Variants in MYRFL observed in about 807,000 individuals in gnomAD.
MYRFL encodes myelin regulatory factor-like protein.
MYRFL carries 88 observed loss-of-function variants against 109.4 expected under a neutral mutation model. That is an observed-to-expected ratio of 0.80 (90% CI 0.68 to 0.96). The LOEUF (loss-of-function observed/expected upper bound fraction) is 0.96, where lower values mean the gene tolerates loss of function less well. Ranked by LOEUF, MYRFL falls within the 40% of genes least tolerant of loss-of-function variation. The pLI, the probability that MYRFL is intolerant of heterozygous loss-of-function variation, is 0.00. For synonymous variants in MYRFL, 324 were observed against 320.9 expected, an observed-to-expected ratio of 1.01 and a Z score of -0.10; for missense variants, 957 against 954.9, an observed-to-expected ratio of 1.00 and a Z score of -0.03.
chr12:69,852,555 C>A (rs768452333), intron 1 of MYRFL, among the ~76,000 whole-genome samples: 16 of 144,306 alleles, frequency 1.1e-4, no homozygotes, highest in Non-Finnish European at 2.4e-4. Context: ...GGCTTGCAGG[C>A]AGGCTGTTTA....
intron 16 of MYRFL, among the ~76,000 whole-genome samples, chr12:69,933,532 G>C (rs1240817206): frequency 6.6e-6 from 1 of 152,144 alleles, no homozygotes; most frequent in African/African-American, 2.4e-5. Flanking sequence ...GGTGCTTCCA[G>C]TTCCTTGACC....
At chr12:69,849,597 T>A (rs1215296873) in intron 1 of MYRFL, among the ~76,000 whole-genome samples, 4 of 152,258 alleles carry the variant, frequency 2.6e-5, no homozygotes, top group African/African-American at 9.6e-5. Flanking sequence ...AACAGCATGA[T>A]CCTTGATGTC....
chr12:69,916,705 G>A (rs1303708434), intron 13 of MYRFL, among the ~76,000 whole-genome samples: 1 of 152,062 alleles, frequency 6.6e-6, no homozygotes, highest in Non-Finnish European at 1.5e-5. Context: ...TCCACAATCT[G>A]GATGGAGTCT....
intron 5 of MYRFL, among the ~76,000 whole-genome samples, chr12:69,885,074 G>A (rs1203090957): frequency 6.6e-6 from 1 of 152,074 alleles, no homozygotes; most frequent in African/African-American, 2.4e-5. Context: ...TCTCAATTTG[G>A]TGTAAGCAGG....
At chr12:69,873,132 C>T (rs2136329703) in intron 2 of MYRFL, among the ~76,000 whole-genome samples, 1 of 152,200 alleles carries the variant, frequency 6.6e-6, no homozygotes, top group African/African-American at 2.4e-5. Flanking sequence ...AAGATTAATT[C>T]TTACAGTAGA....
chr12:69,843,665 C>G (rs1335443530), intron 1 of MYRFL, among the ~76,000 whole-genome samples: 1 of 152,114 alleles, frequency 6.6e-6, no homozygotes, highest in Non-Finnish European at 1.5e-5. Flanking sequence ...TGTAGTACTC[C>G]CTGATGGACT....
chr12:69,868,931 TACAC>T (rs1037357581), intron 2 of MYRFL, among the ~76,000 whole-genome samples: 1 of 151,314 alleles, frequency 6.6e-6, no homozygotes, highest in East Asian at 1.9e-4. Context: ...TACTCACACG[TACAC>T]ACAGATATGC....
At chr12:69,943,183 T>C (rs1423386397) in intron 19 of MYRFL, among the ~76,000 whole-genome samples, 5 of 151,784 alleles carry the variant, frequency 3.3e-5, no homozygotes, top group Non-Finnish European at 2.9e-5. Context: ...AAAAAACTAC[T>C]TTAAAGTTCA....
chr12:69,910,525 G>A (rs187599108), intron 12 of MYRFL, among the ~76,000 whole-genome samples: 3 of 151,682 alleles, frequency 2.0e-5, no homozygotes, highest in Admixed American at 6.6e-5. Context: ...TATTTTAGGG[G>A]CAAAGGCTTC....
intron 23 of MYRFL, 117 bp downstream of exon 23, chr12:69,958,059 T>G: frequency 7.1e-7 from 1 of 1,400,026 alleles, no homozygotes; most frequent in South Asian, 1.5e-5. Context: ...CTCTTCCTTG[T>G]GTCCTTATGA....
At chr12:69,905,279 C>T (rs1166396648) in intron 11 of MYRFL, among the ~76,000 whole-genome samples, 1 of 152,196 alleles carries the variant, frequency 6.6e-6, no homozygotes, top group East Asian at 1.9e-4. Flanking sequence ...AGGCATAACA[C>T]AGAACTTCAT....
chr12:69,855,650 T>A (rs1244881317), intron 2 of MYRFL, among the ~76,000 whole-genome samples: 2 of 152,216 alleles, frequency 1.3e-5, no homozygotes. Context: ...GTTTGTGTCT[T>A]TCAATGAATT....
At chr12:69,910,208 C>A in intron 12 of MYRFL, 131 bp downstream of exon 12, 1 of 646,134 alleles carries the variant, frequency 1.5e-6, no homozygotes, top group South Asian at 2.3e-5. Flanking sequence ...CTGTGAAACT[C>A]ATAGTCACTA....
rs1053701821 is a variant in MYRFL, at chr12:69,895,364, G to C, written c.981-7G>C. ...TCTTGGTTTTTTTTTTTTGCTGTTT[G>C]TTTTAGAATTGACCTACTGGCTGAC... is the stretch of plus-strand genomic sequence containing the variant. On this transcript the variant is annotated splice_region_variant and splice_polypyrimidine_tract_variant and intron_variant, in intron 8 of 24. Transcript: ENST00000552032. 26 of 1,475,322 alleles carry C rather than the reference G, an allele frequency of 1.8e-5. No homozygotes were observed. The highest frequency in any genetic ancestry group is 2.4e-5 in the Non-Finnish European group (26 of 1,102,692). The allele number at this position is 1,475,322 out of a possible 1,614,324, so 91.4% of individuals were successfully genotyped here.
At chr12:69,950,213 CT>C (rs1307909533) in intron 19 of MYRFL, among the ~76,000 whole-genome samples, 1 of 152,058 alleles carries the variant, frequency 6.6e-6, no homozygotes, top group Non-Finnish European at 1.5e-5. Context: ...AGTTTTGCTC[CT>C]ATTTTTCTTC....
At chr12:69,909,640 A>G (rs1330881576) in intron 11 of MYRFL, among the ~76,000 whole-genome samples, 1 of 152,218 alleles carries the variant, frequency 6.6e-6, no homozygotes, top group East Asian at 1.9e-4. Flanking sequence ...GCTTTAGGGA[A>G]AGTTCACTGT....
intron 19 of MYRFL, among the ~76,000 whole-genome samples, chr12:69,943,282 A>C (rs553755180): frequency 6.6e-6 from 1 of 150,970 alleles, no homozygotes; most frequent in Non-Finnish European, 1.5e-5. Context: ...ACTTCAAACT[A>C]TACTACAAGG....
At chr12:69,865,266 G>A (rs1029440300) in intron 2 of MYRFL, among the ~76,000 whole-genome samples, 1 of 152,234 alleles carries the variant, frequency 6.6e-6, no homozygotes. Context: ...GAACAGCTGT[G>A]TAGAAATGTA....
chr12:69,882,292 A>C (rs929525702), intron 5 of MYRFL, among the ~76,000 whole-genome samples: 1 of 151,214 alleles, frequency 6.6e-6, no homozygotes, highest in Admixed American at 6.6e-5. Context: ...CAGGTTCCCA[A>C]GGCCAAAAAA....
Sources: allele counts gnomAD v4.1 joint callset (sites outside exome capture counted in the v4.1 genomes callset), GRCh38; gene constraint gnomAD v4.1.1; transcripts MANE v1.5; gene names NCBI Gene and HGNC (gene_info 2026-07-23, HGNC 2026-07-21).